RORA: variants seen among roughly 807,000 people sequenced by gnomAD.
RORA encodes nuclear receptor ROR-alpha.
Under a neutral mutation model 69.5 loss-of-function variants are expected in RORA, and 7 were observed. The observed-to-expected ratio is 0.10, with a 90% CI of 0.06 to 0.19. The LOEUF (loss-of-function observed/expected upper bound fraction) is 0.19. Among genes scored for constraint, RORA ranks in the 10% least tolerant of loss-of-function variants. The probability of loss-of-function intolerance (pLI) is 1.00; values close to 1 mark genes in which losing one functional copy is unlikely to be tolerated. For missense variants in RORA, 457 were observed against 663.0 expected, an observed-to-expected ratio of 0.69 and a Z score of 3.41; for synonymous variants, 261 against 240.8, an observed-to-expected ratio of 1.08 and a Z score of -0.78.
intron 1 of RORA, among the ~76,000 whole-genome samples, chr15:60,957,287 A>G (rs190329639): frequency 9.2e-5 from 14 of 152,258 alleles, no homozygotes; most frequent in African/African-American, 3.4e-4. Flanking sequence ...TTCAGCCCAC[A>G]TTCTCACTGC....
chr15:61,107,633 TA>T (rs1229495873), intron 1 of RORA, among the ~76,000 whole-genome samples: 2 of 151,996 alleles, frequency 1.3e-5, no homozygotes, highest in African/African-American at 4.8e-5. Context: ...AAACTATTGA[TA>T]TGTTAATTAA....
chr15:60,768,189 C>T (rs2072018920), intron 1 of RORA, among the ~76,000 whole-genome samples: 2 of 152,242 alleles, frequency 1.3e-5, no homozygotes, highest in African/African-American at 4.8e-5. Context: ...GACTTTGCCG[C>T]TGCCTCCTCT....
intron 1 of RORA, among the ~76,000 whole-genome samples, chr15:61,133,313 T>C (rs1182220639): frequency 1.3e-5 from 2 of 152,298 alleles, no homozygotes; most frequent in Non-Finnish European, 2.9e-5. Context: ...CTTGTAACCA[T>C]GGAATAGTCA....
chr15:61,163,082 C>G (rs1321218313), intron 1 of RORA, among the ~76,000 whole-genome samples: 1 of 152,208 alleles, frequency 6.6e-6, no homozygotes, highest in Admixed American at 6.5e-5. Flanking sequence ...AACTTAGTAA[C>G]ACATCATGAT....
At chr15:61,054,413 G>A (rs2140514286) in intron 1 of RORA, among the ~76,000 whole-genome samples, 1 of 152,130 alleles carries the variant, frequency 6.6e-6, no homozygotes, top group South Asian at 2.1e-4. Flanking sequence ...AAATGATACT[G>A]TGACTTCCCT....
intron 1 of RORA, among the ~76,000 whole-genome samples, chr15:60,976,881 G>A (rs1893885876): frequency 6.6e-6 from 1 of 152,122 alleles, no homozygotes; most frequent in South Asian, 2.1e-4. Context: ...CATTACCTTT[G>A]AAATAATCCT....
chr15:60,677,407 T>C (rs1431081359), intron 2 of RORA: 2 of 344,802 alleles, frequency 5.8e-6, no homozygotes, highest in South Asian at 2.2e-5. Context: ...GAACTGTGCA[T>C]TGAGAGATGG....
intron 1 of RORA, among the ~76,000 whole-genome samples, chr15:60,809,780 T>C (rs2072716256): frequency 1.9e-5 from 2 of 106,872 alleles, no homozygotes; most frequent in African/African-American, 8.3e-5. Context: ...CTTTTCTGTA[T>C]AATATTATGT....
intron 1 of RORA, among the ~76,000 whole-genome samples, chr15:61,096,856 T>C (rs1031168855): frequency 6.6e-6 from 1 of 152,218 alleles, no homozygotes; most frequent in Non-Finnish European, 1.5e-5. Context: ...GATCAGCTTC[T>C]CTCTGGTGCA....
chr15:60,851,163 C>T (rs1031855233), intron 1 of RORA, among the ~76,000 whole-genome samples: 8 of 152,186 alleles, frequency 5.3e-5, no homozygotes, highest in African/African-American at 1.4e-4. Flanking sequence ...TACATATACA[C>T]ACATAAATAG....
At chr15:60,620,279 T>C (rs1011872202) in intron 2 of RORA, among the ~76,000 whole-genome samples, 3 of 152,168 alleles carry the variant, frequency 2.0e-5, no homozygotes, top group East Asian at 1.9e-4. Flanking sequence ...AAAGACCTCA[T>C]GGTATTAGCT....
intron 2 of RORA, among the ~76,000 whole-genome samples, chr15:60,641,341 TA>T (rs2069941057): frequency 6.6e-6 from 1 of 152,218 alleles, no homozygotes; most frequent in African/African-American, 2.4e-5. Flanking sequence ...GGATTCTGAA[TA>T]AATACGTATA....
chr15:60,996,720 C>A (rs59333735), intron 1 of RORA, among the ~76,000 whole-genome samples: 34,197 of 151,912 alleles, frequency 0.23, 4,253 homozygotes, highest in East Asian at 0.39. Flanking sequence ...ACCATCCTGG[C>A]TAACATGGTG....
intron 1 of RORA, among the ~76,000 whole-genome samples, chr15:60,942,056 T>C (rs1479647125): frequency 6.6e-6 from 1 of 152,232 alleles, no homozygotes; most frequent in East Asian, 1.9e-4. Flanking sequence ...TAATCCATAA[T>C]ATCTTCGGAA....
At chr15:60,846,354 A>G (rs2073265379) in intron 1 of RORA, among the ~76,000 whole-genome samples, 1 of 152,152 alleles carries the variant, frequency 6.6e-6, no homozygotes, top group Non-Finnish European at 1.5e-5. Context: ...GCTGATTGCA[A>G]AGATCACTGC....
At chr15:61,116,509 T>C (rs2079052206) in intron 1 of RORA, among the ~76,000 whole-genome samples, 1 of 152,184 alleles carries the variant, frequency 6.6e-6, no homozygotes, top group Non-Finnish European at 1.5e-5. Flanking sequence ...CAAGCGGCCA[T>C]TCCTTTGAGG....
chr15:60,938,754 C>G (rs746667291), intron 1 of RORA, among the ~76,000 whole-genome samples: 7 of 151,912 alleles, frequency 4.6e-5, no homozygotes, highest in South Asian at 4.2e-4. Flanking sequence ...TTTTTTAATA[C>G]TGGGAAAAAT....
At chr15:60,932,739 C>A (rs1595825744) in intron 1 of RORA, among the ~76,000 whole-genome samples, 1 of 152,178 alleles carries the variant, frequency 6.6e-6, no homozygotes, top group Non-Finnish European at 1.5e-5. Context: ...AAGCCCATGG[C>A]CCAGCCCCAT....
chr15:60,614,570 C>T lies in RORA; in HGVS notation c.196+64087G>A, dbSNP rs375986114. The stretch of plus-strand genomic sequence containing the variant: ...ATTCAAGGGTTTGGAATGCAGTTCA[C>T]GGACAATCTGGCTTATAAAGACATG... On this transcript the variant is annotated intron_variant, in intron 2 of 10. Transcript: ENST00000335670. Among the ~76,000 whole-genome samples, 17 of 152,212 alleles carry T rather than the reference C, an allele frequency of 1.1e-4. No individual in the cohort carries two copies. In the South Asian group the frequency reaches 2.3e-3, roughly 20 times the overall value.
Sources: gnomAD v4.1 joint callset for allele counts (sites outside exome capture counted in the v4.1 genomes callset) on GRCh38, gnomAD v4.1.1 for gene constraint, MANE v1.5 for transcripts, NCBI Gene and HGNC (gene_info 2026-07-23, HGNC 2026-07-21) for gene names.